TAFA2: variants seen among roughly 807,000 people sequenced by gnomAD.
The protein encoded by TAFA2 is TAFA chemokine like family member 2.
A neutral mutation model predicts 18.8 loss-of-function variants in TAFA2; 7 were observed. The observed-to-expected ratio is 0.37, with a 90% CI of 0.21 to 0.70. The LOEUF (loss-of-function observed/expected upper bound fraction) is 0.70. Ranked by LOEUF, TAFA2 falls within the 30% of genes least tolerant of loss-of-function variation. The probability of loss-of-function intolerance (pLI) is 0.53; values close to 1 mark genes in which losing one functional copy is unlikely to be tolerated. For synonymous variants in TAFA2, 60 were observed against 54.2 expected, an observed-to-expected ratio of 1.11 and a Z score of -0.47; for missense variants, 122 against 158.1, an observed-to-expected ratio of 0.77 and a Z score of 1.23.
At chr12:61,748,499 A>G (rs927918772) in intron 4 of TAFA2, among the ~76,000 whole-genome samples, 16 of 152,102 alleles carry the variant, frequency 1.1e-4, no homozygotes, top group Non-Finnish European at 2.1e-4. Context: ...AAGAATTTAC[A>G]CGAATTGCAC....
At chr12:61,880,731 G>T (rs1875090944) in intron 1 of TAFA2, 1 of 376,444 alleles carries the variant, frequency 2.7e-6, no homozygotes, top group East Asian at 6.2e-5. Flanking sequence ...GACCCGCGAT[G>T]GGAAGCTTGT....
chr12:62,042,971 T>C (rs1432218858), intron 1 of TAFA2, among the ~76,000 whole-genome samples: 1 of 152,098 alleles, frequency 6.6e-6, no homozygotes, highest in Non-Finnish European at 1.5e-5. Context: ...CACTATAGTT[T>C]TATAAAATAA....
At chr12:62,085,034 T>C (rs1868395368) in intron 1 of TAFA2, among the ~76,000 whole-genome samples, 1 of 152,274 alleles carries the variant, frequency 6.6e-6, no homozygotes, top group African/African-American at 2.4e-5. Flanking sequence ...CATAACTCAG[T>C]GTTTTCTATC....
At chr12:61,734,679 A>C (rs979282980) in intron 4 of TAFA2, among the ~76,000 whole-genome samples, 35 of 152,064 alleles carry the variant, frequency 2.3e-4, no homozygotes, top group African/African-American at 7.7e-4. Context: ...TATTTTCATG[A>C]CTTGGAGGCT....
intron 1 of TAFA2, among the ~76,000 whole-genome samples, chr12:61,945,660 C>A (rs1418110774): frequency 1.5e-5 from 2 of 131,406 alleles, no homozygotes; most frequent in African/African-American, 6.1e-5. Context: ...TATACACCAA[C>A]AACAGACAAA....
chr12:61,919,683 C>A lies in TAFA2; in HGVS notation c.-1-52257G>T, dbSNP rs183484884. On this transcript the variant is annotated intron_variant, in intron 1 of 4. Coordinates refer to ENST00000416284, the MANE Select transcript of TAFA2 (RefSeq NM_178539.5). ...TTTATATTTTATTATATATTATATA[C>A]GTTTATTTTATACTTATGTTTTATT... Among the ~76,000 whole-genome samples, 60 of 151,090 alleles carry A rather than the reference C, an allele frequency of 4.0e-4. 1 individual carries two copies. In the East Asian group the frequency reaches 0.011, roughly 28 times the overall value.
At chr12:61,984,004 T>C (rs10877777) in intron 1 of TAFA2, among the ~76,000 whole-genome samples, 103,284 of 151,984 alleles carry the variant, frequency 0.68, 35,785 homozygotes, top group Non-Finnish European at 0.74. Flanking sequence ...TAAAGAGAGC[T>C]CTCTCCTACC....
chr12:61,894,585 T>A (rs1875763985), intron 1 of TAFA2, among the ~76,000 whole-genome samples: 1 of 152,232 alleles, frequency 6.6e-6, no homozygotes, highest in South Asian at 2.1e-4. Flanking sequence ...TGTCATGCAG[T>A]CATCTGTCAC....
At chr12:61,960,380 G>A (rs1878841776) in intron 1 of TAFA2, among the ~76,000 whole-genome samples, 1 of 151,958 alleles carries the variant, frequency 6.6e-6, no homozygotes, top group Non-Finnish European at 1.5e-5. Flanking sequence ...CACAAACTGT[G>A]TCTAATTATC....
At chr12:61,710,442 T>C (rs764494415) in intron 4 of TAFA2, 25 bp from the exon 5 acceptor site, 2 of 1,569,528 alleles carry the variant, frequency 1.3e-6, no homozygotes, top group South Asian at 2.2e-5. Context: ...GAAAATATAG[T>C]CAACATTTCA....
intron 1 of TAFA2, among the ~76,000 whole-genome samples, chr12:62,121,060 GT>G (rs1870175300): frequency 6.6e-6 from 1 of 151,868 alleles, no homozygotes; most frequent in South Asian, 2.1e-4. Context: ...CTCCATGTTG[GT>G]CAGGCTGGTC....
chr12:62,225,073 G>A (rs1362188296), intron 1 of TAFA2, among the ~76,000 whole-genome samples: 3 of 151,878 alleles, frequency 2.0e-5, no homozygotes, highest in South Asian at 4.2e-4. Flanking sequence ...CAGCCTGGGC[G>A]ACAGAGTGAG....
At chr12:62,021,603 T>A (rs900219061) in intron 1 of TAFA2, 25 of 1,023,306 alleles carry the variant, frequency 2.4e-5, no homozygotes, top group Non-Finnish European at 3.7e-5. Flanking sequence ...CGGCAGGCGG[T>A]TCTGGCTTCC....
At chr12:61,730,867 TC>T (rs1370577952) in intron 4 of TAFA2, among the ~76,000 whole-genome samples, 8 of 152,160 alleles carry the variant, frequency 5.3e-5, no homozygotes, top group Non-Finnish European at 1.0e-4. Context: ...GGCAGGGATT[TC>T]AGGCTTTGCC....
intron 1 of TAFA2, among the ~76,000 whole-genome samples, chr12:62,235,748 T>C (rs777826299): frequency 1.3e-5 from 2 of 152,136 alleles, no homozygotes; most frequent in Non-Finnish European, 2.9e-5. Context: ...GGAGGAAGGT[T>C]TGCTTGTTTG....
rs951291731 is a variant in TAFA2 at position 62,218,401 on chromosome 12, T to C, written c.-130+40362A>G. On this transcript the variant is annotated intron_variant, in intron 1 of 5. Transcript: ENST00000551619. ...TCTGATGAACACATCCCCTATTACT[T>C]GAAATGCTAGTATGTGATCAGTTGG... Among the ~76,000 whole-genome samples the C allele has an allele frequency of 7.2e-5, 11 of 152,236 alleles. No individual in the cohort carries two copies. In the South Asian group the frequency reaches 1.5e-3, roughly 20 times the overall value.
At chr12:62,156,388 G>A (rs892347197) in intron 1 of TAFA2, among the ~76,000 whole-genome samples, 4 of 152,092 alleles carry the variant, frequency 2.6e-5, no homozygotes, top group African/African-American at 7.2e-5. Flanking sequence ...ACAGTGTGGA[G>A]ATTTCTTAAA....
chr12:61,733,451 A>C (rs1042551748), intron 4 of TAFA2, among the ~76,000 whole-genome samples: 1 of 151,922 alleles, frequency 6.6e-6, no homozygotes, highest in Non-Finnish European at 1.5e-5. Context: ...ATTTTTGTAT[A>C]AGATGTAAGG....
rs117684707 is a variant in TAFA2, at chr12:61,809,991, C to T, written c.107-54967G>A. ...GAAGACATAGCTGACCACCCCTCCA[C>T]ATCTGCCAGGGAATCATAGGAGTTG... On this transcript the variant is annotated intron_variant, in intron 2 of 4. Coordinates refer to ENST00000416284, the MANE Select transcript of TAFA2 (RefSeq NM_178539.5). 1.4e-3 allele frequency among the ~76,000 whole-genome samples: 212 copies of T among 151,492 alleles called. 4 individuals carry two copies. The East Asian group carries it at 0.032, about 23-fold the overall frequency.
Sources: gnomAD v4.1 joint callset for allele counts (sites outside exome capture counted in the v4.1 genomes callset) on GRCh38, gnomAD v4.1.1 for gene constraint, MANE v1.5 for transcripts, NCBI Gene and HGNC (gene_info 2026-07-23, HGNC 2026-07-21) for gene names.